The following SIPA1L1 variants were observed in gnomAD, a reference collection of about 807,000 sequenced individuals.
SIPA1L1 encodes the protein signal induced proliferation associated 1 like 1, also known as signal-induced proliferation-associated 1-like protein 1.
Under a neutral mutation model 162.7 loss-of-function variants are expected in SIPA1L1, and 26 were observed. The ratio of observed to expected loss-of-function variants is 0.16; its 90% CI spans 0.12 to 0.22. SIPA1L1 has a LOEUF of 0.22. SIPA1L1 is among the 10% of genes least tolerant of loss of function. The pLI is 1.00. For missense variants in SIPA1L1, 1,874 were observed against 2,241.0 expected, an observed-to-expected ratio of 0.84 and a Z score of 3.31; for synonymous variants, 829 against 837.4, an observed-to-expected ratio of 0.99 and a Z score of 0.17.
rs146855149 is a variant in SIPA1L1 at position 71,685,530 on chromosome 14, G to A, written c.3273G>A (p.Ser1091=). ...VPSQVQSPMT[S]RLNAGKGDGK... ...CCCAGGTGCAGAGTCCCATGACCTCGCGGCTGAATGCTGGAAAAGGAGATG... is the reference window on the plus strand; with the variant it reads ...CCCAGGTGCAGAGTCCCATGACCTCACGGCTGAATGCTGGAAAAGGAGATG... The change falls in exon 13 of 24, where the codon TCG becomes TCA. Residue 1091 remains serine, a synonymous_variant. Transcript: ENST00000381232. 1.6e-4 allele frequency: 260 copies of A among 1,614,152 alleles called. No homozygotes were observed. The African/African-American group carries it at 2.6e-3, about 16-fold the overall frequency.
At chr14:71,646,965 C>T (rs1367352879) in intron 7 of SIPA1L1, among the ~76,000 whole-genome samples, 1 of 152,174 alleles carries the variant, frequency 6.6e-6, no homozygotes. Context: ...TTTACAACTC[C>T]ATGTACATTA....
chr14:71,661,570 A>G (rs941471276), intron 10 of SIPA1L1, 103 bp downstream of exon 10: 8 of 1,235,684 alleles, frequency 6.5e-6, no homozygotes, highest in Admixed American at 5.0e-5. Context: ...GAAGTCTATT[A>G]CTATTTCTTT....
In SIPA1L1 at chr14:71,709,644, C is replaced by T. The variant is rs780877416; in HGVS notation, c.4188C>T (p.Asn1396=). ...LTRENSTFSI[N]DAASHTSTMS... is the part of the protein sequence containing the mutation. ...GGGAGAACAGCACCTTCAGTATAAA[C>T]GATGCTGCTTCCCACACAAGGTAAC... Residue 1396 remains asparagine, a synonymous_variant, in exon 17 of 24, where the codon AAC becomes AAT. Transcript: ENST00000381232. The T allele has an allele frequency of 1.4e-5, 22 of 1,612,776 alleles. No individual in the cohort carries two copies. The highest frequency in any genetic ancestry group is 6.6e-5 in the South Asian group (6 of 91,010).
chr14:71,676,762 T>G (rs2045243954), intron 12 of SIPA1L1, among the ~76,000 whole-genome samples: 1 of 151,872 alleles, frequency 6.6e-6, no homozygotes, highest in Non-Finnish European at 1.5e-5. Context: ...TTGCTGAGAA[T>G]GATGGTTTCC....
intron 2 of SIPA1L1, among the ~76,000 whole-genome samples, chr14:71,410,488 C>A (rs2042325142): frequency 6.6e-6 from 1 of 152,112 alleles, no homozygotes; most frequent in South Asian, 2.1e-4. Context: ...TTGAGTTTTC[C>A]TTATCCAAAA....
chr14:71,428,613 G>A (rs1025990275), intron 2 of SIPA1L1, among the ~76,000 whole-genome samples: 1 of 152,144 alleles, frequency 6.6e-6, no homozygotes, highest in African/African-American at 2.4e-5. Flanking sequence ...ATGGGGGTTG[G>A]GGAGAAGGGC....
chr14:71,385,691 T>C (rs1375223906), intron 2 of SIPA1L1, among the ~76,000 whole-genome samples: 1 of 148,590 alleles, frequency 6.7e-6, no homozygotes, highest in Non-Finnish European at 1.5e-5. Context: ...ACATTCTTTT[T>C]TTTTTTTTTT....
chr14:71,473,380 C>A (rs985668027), intron 2 of SIPA1L1, among the ~76,000 whole-genome samples: 4 of 151,924 alleles, frequency 2.6e-5, no homozygotes, highest in African/African-American at 9.7e-5. Context: ...TTATAATAAC[C>A]AAGACAGTGG....
At chr14:71,460,536 T>C (rs2046519123) in intron 2 of SIPA1L1, among the ~76,000 whole-genome samples, 2 of 152,306 alleles carry the variant, frequency 1.3e-5, no homozygotes, top group South Asian at 4.1e-4. Flanking sequence ...CTTCTTAGTC[T>C]TGACTTAAAG....
chr14:71,498,891 C>T (rs1473072373), intron 2 of SIPA1L1, among the ~76,000 whole-genome samples: 3 of 152,054 alleles, frequency 2.0e-5, no homozygotes, highest in Non-Finnish European at 2.9e-5. Flanking sequence ...ATCAAATGTT[C>T]TTTACAAGGC....
At chr14:71,651,250 T>A (rs945311179) in intron 8 of SIPA1L1, among the ~76,000 whole-genome samples, 1 of 152,216 alleles carries the variant, frequency 6.6e-6, no homozygotes, top group African/African-American at 2.4e-5. Flanking sequence ...AATTTTATCT[T>A]TAAATTCATC....
At chr14:71,366,421 T>C (rs2038300066) in intron 2 of SIPA1L1, among the ~76,000 whole-genome samples, 1 of 152,084 alleles carries the variant, frequency 6.6e-6, no homozygotes. Flanking sequence ...CATGTTTCTG[T>C]TTTGGCTCTG....
intron 2 of SIPA1L1, among the ~76,000 whole-genome samples, chr14:71,331,051 C>G (rs1415215744): frequency 1.3e-5 from 2 of 152,132 alleles, no homozygotes. Flanking sequence ...ACATTTAGGT[C>G]TTTAGTCCAT....
chr14:71,723,644 C>T lies in SIPA1L1; in HGVS notation c.4209-3C>T. 6.2e-7 allele frequency: 1 copy of T among 1,614,194 alleles called. No individual in the cohort carries two copies. The highest frequency in any genetic ancestry group is 8.5e-7 in the Non-Finnish European group (1 of 1,180,026). ...CACATGTCTTTGCCCTGCTTCTCCT[C>T]AGTACCATGAGCTCCCGACACTCTG... is the stretch of plus-strand genomic sequence containing the variant. On this transcript the variant is annotated splice_polypyrimidine_tract_variant and splice_region_variant and intron_variant, in intron 17 of 23. Coordinates refer to ENST00000381232, the MANE Select transcript of SIPA1L1 (RefSeq NM_001386936.1).
At chr14:71,698,894 C>G in intron 13 of SIPA1L1, 87 bp from the exon 14 acceptor site, 2 of 1,352,828 alleles carry the variant, frequency 1.5e-6, no homozygotes, top group Non-Finnish European at 2.1e-6. Flanking sequence ...CTGTTTTTGT[C>G]ACATTTATAT....
chr14:71,454,110 T>C (rs1192061824), intron 2 of SIPA1L1, among the ~76,000 whole-genome samples: 1 of 151,886 alleles, frequency 6.6e-6, no homozygotes, highest in Non-Finnish European at 1.5e-5. Flanking sequence ...AACCCTGTGT[T>C]CCCAGGTCTG....
chr14:71,366,483 C>T (rs545942616), intron 2 of SIPA1L1, among the ~76,000 whole-genome samples: 2 of 152,296 alleles, frequency 1.3e-5, no homozygotes, highest in African/African-American at 4.8e-5. Context: ...GACGCCCAGG[C>T]TGGAGTGCAG....
chr14:71,581,306 C>G (rs1434977377), intron 4 of SIPA1L1, among the ~76,000 whole-genome samples: 1 of 152,176 alleles, frequency 6.6e-6, no homozygotes, highest in Non-Finnish European at 1.5e-5. Context: ...GTTGGGATTA[C>G]AGGCGTGAGC....
rs34549978 is a variant in SIPA1L1 at position 71,738,161 on chromosome 14, T to TAA, written c.5124-56_5124-55dup. On this transcript the variant is annotated intron_variant, in intron 22 of 23. Transcript: ENST00000381232. Reference sequence around the variant, plus strand: ...TTTTATAAATACAGCCTCCTCAGAGTAAAAAAAAAAAAAAAAAAAAAAAAA... The same window carrying TAA: ...TTTTATAAATACAGCCTCCTCAGAGTAAAAAAAAAAAAAAAAAAAAAAAAAAA... 2.0e-3 allele frequency: 725 copies of TAA among 367,500 alleles called. 4 individuals carry two copies. The highest frequency in any genetic ancestry group is 4.9e-3 in the African/African-American group (131 of 26,870). 22.8% of individuals were successfully genotyped at this position (367,500 alleles called of 1,614,324 possible).
Sources: allele counts gnomAD v4.1 joint callset (sites outside exome capture counted in the v4.1 genomes callset), GRCh38; gene constraint gnomAD v4.1.1; transcripts MANE v1.5; gene names NCBI Gene and HGNC (gene_info 2026-07-23, HGNC 2026-07-21).